The following GK variants were observed in gnomAD, a reference collection of about 807,000 sequenced individuals.
GK encodes glycerol kinase, also known as ATP:glycerol 3-phosphotransferase.
GK carries 9 observed loss-of-function variants against 56.4 expected under a neutral mutation model. The ratio of observed to expected loss-of-function variants is 0.16; its 90% confidence interval spans 0.10 to 0.28. The LOEUF (loss-of-function observed/expected upper bound fraction) is 0.28, where lower values mean the gene tolerates loss of function less well. GK is among the 10% of genes least tolerant of loss of function. The probability of loss-of-function intolerance (pLI) is 1.00; values close to 1 mark genes in which losing one functional copy is unlikely to be tolerated. For missense variants in GK, 161 were observed against 431.4 expected, an observed-to-expected ratio of 0.37 and a Z score of 5.55; for synonymous variants, 104 against 144.1, an observed-to-expected ratio of 0.72 and a Z score of 1.99.
intron 3 of GK, 70 bp downstream of exon 3, chrX:30,668,188 G>T: frequency 1.6e-6 from 1 of 626,061 alleles, no homozygotes; most frequent in Non-Finnish European, 2.7e-6. Context: ...TATTCTTTCA[G>T]CTTATAATTG....
In GK at chrX:30,680,482, CTTAAAA is replaced by C. The variant is rs1934223512; in HGVS notation, c.337+3031_337+3036del. ...TGAAAGCCATGCAGTGTAGTGTAGA[CTTAAAA>C]CACGGGGCAGCTTGAGGCAAAACAG... On this transcript the variant is annotated intron_variant, in intron 4 of 20. Transcript: ENST00000427190. 3.6e-5 allele frequency among the ~76,000 whole-genome samples: 4 copies of C among 111,829 alleles called. No individual in the cohort carries two copies. The South Asian group carries it at 1.5e-3, about 42-fold the overall frequency.
At chrX:30,726,566 C>T (rs891469232) in intron 19 of GK, among the ~76,000 whole-genome samples, 11 of 111,564 alleles carry the variant, frequency 9.9e-5, no homozygotes, top group African/African-American at 3.6e-4. Context: ...GGATTACAGG[C>T]GTGAGCCACT....
intron 4 of GK, among the ~76,000 whole-genome samples, chrX:30,685,934 T>TAACA (rs1934585936): frequency 8.9e-6 from 1 of 112,274 alleles, no homozygotes; most frequent in African/African-American, 3.2e-5. Flanking sequence ...ACTATAAGGC[T>TAACA]TCAGTAATTG....
intron 4 of GK, among the ~76,000 whole-genome samples, chrX:30,680,297 C>A (rs974252103): frequency 2.7e-5 from 3 of 112,002 alleles, no homozygotes; most frequent in Non-Finnish European, 5.6e-5. Flanking sequence ...GATTTTACTA[C>A]CCCTATTTTA....
In GK at chrX:30,727,396, A is replaced by G. The variant is rs1937179703; in HGVS notation, c.1583-70A>G. The G allele has an allele frequency of 4.8e-6, 3 of 631,494 alleles. No homozygotes were observed. In the East Asian group the frequency reaches 9.8e-5, roughly 21 times the overall value. The allele number at this position is 631,494 out of a possible 1,213,427, so 52.0% of individuals were successfully genotyped here. On this transcript the variant is annotated intron_variant, in intron 19 of 20. Transcript: ENST00000427190. ...TTTGCTATCTTGTGATTCTTAACAC[A>G]AATATTGTAATTATGTGTCTCTCTT... is the stretch of plus-strand genomic sequence containing the variant.
At chrX:30,699,232 G>A (rs1184815125) in intron 9 of GK, among the ~76,000 whole-genome samples, 1 of 96,199 alleles carries the variant, frequency 1.0e-5, no homozygotes, top group Non-Finnish European at 2.0e-5. Flanking sequence ...ATATATACAT[G>A]TTATGTATAA....
intron 7 of GK, 101 bp from the exon 8 acceptor site, chrX:30,696,516 A>C: frequency 1.6e-6 from 1 of 622,497 alleles, no homozygotes; most frequent in Non-Finnish European, 2.7e-6. Context: ...AAAAACATCC[A>C]TTTCTAATTG....
chrX:30,700,019 C>A (rs1935560033), intron 9 of GK: 1 of 129,404 alleles, frequency 7.7e-6, no homozygotes, highest in African/African-American at 3.2e-5. Context: ...ATATATTAGT[C>A]ATTTCTTAAT....
In GK at chrX:30,729,083, G is replaced by A. The variant is rs187871122; in HGVS notation, c.*341G>A. The A allele has an allele frequency of 1.0e-3, 260 of 258,671 alleles. No individual in the cohort carries two copies. The highest frequency in any genetic ancestry group is 1.5e-3 in the Non-Finnish European group (219 of 145,211). 21.3% of individuals were successfully genotyped at this position (258,671 alleles called of 1,213,427 possible). On this transcript the variant is annotated 3_prime_UTR_variant, in exon 21 of 21. Transcript: ENST00000427190. ...ATCCTTACCATTGGAATCTTCCATC[G>A]AACATACTCAAACACTTTTGGACCA...
chrX:30,707,233 G>A (rs1393283896), intron 11 of GK, among the ~76,000 whole-genome samples: 1 of 109,334 alleles, frequency 9.1e-6, no homozygotes, highest in African/African-American at 3.3e-5. Flanking sequence ...GGGAGGCTGA[G>A]GCAGGAGAAT....
Position 30,661,016 on chromosome X carries a change from G to T in GK, c.79-4495G>T, listed in dbSNP as rs764655282. Among the ~76,000 whole-genome samples the T allele has an allele frequency of 8.2e-5, 9 of 109,437 alleles. No homozygotes were observed. The South Asian group carries it at 3.5e-3, about 43-fold the overall frequency. Reference sequence around the variant, plus strand: ...TTTAGTAGGGACGGGGTTTCACTAGGTTGGTCAGGATGGTCTTGATCTCTT... The same window carrying T: ...TTTAGTAGGGACGGGGTTTCACTAGTTTGGTCAGGATGGTCTTGATCTCTT... On this transcript the variant is annotated intron_variant, in intron 1 of 20. Coordinates refer to ENST00000427190, the MANE Select transcript of GK (RefSeq NM_001205019.2).
At chrX:30,701,761 T>G (rs1010142466) in intron 11 of GK, among the ~76,000 whole-genome samples, 6 of 112,383 alleles carry the variant, frequency 5.3e-5, no homozygotes, top group African/African-American at 1.9e-4. Flanking sequence ...AGATTTGGTA[T>G]ATTTTTCTCT....
chrX:30,703,986 T>G (rs1935835588), intron 11 of GK, among the ~76,000 whole-genome samples: 1 of 106,351 alleles, frequency 9.4e-6, no homozygotes, highest in African/African-American at 3.5e-5. Flanking sequence ...ATTTTAGAAT[T>G]TCCCTAGATA....
rs768970442 is a variant in GK, at chrX:30,715,745, T to C, written c.976-2793T>C. On this transcript the variant is annotated intron_variant, in intron 13 of 20. Coordinates refer to ENST00000427190, the MANE Select transcript of GK (RefSeq NM_001205019.2). Reference sequence around the variant, plus strand: ...GTCTTTTGTGAATTAGAGATGTCTCTCATTTTTATTTCTTTAAAAGCTAAA... The same window carrying C: ...GTCTTTTGTGAATTAGAGATGTCTCCCATTTTTATTTCTTTAAAAGCTAAA... 5.3e-5 allele frequency among the ~76,000 whole-genome samples: 6 copies of C among 112,563 alleles called. No homozygotes were observed. The East Asian group carries it at 1.7e-3, about 31-fold the overall frequency.
rs139215573 is a variant in GK at position 30,688,956 on chromosome X, T to C, written c.338-2167T>C. Among the ~76,000 whole-genome samples the C allele has an allele frequency of 7.2e-3, 810 of 112,326 alleles. 7 individuals carry two copies. The highest frequency in any genetic ancestry group is 0.025 in the African/African-American group (776 of 30,971). On this transcript the variant is annotated intron_variant, in intron 4 of 20. Coordinates refer to ENST00000427190, the MANE Select transcript of GK (RefSeq NM_001205019.2). ...ATTTGTTCATGCCCCTTGGTAAGAATTACATTTTACATAATGATCCAGCAA... is the reference window on the plus strand; with the variant it reads ...ATTTGTTCATGCCCCTTGGTAAGAACTACATTTTACATAATGATCCAGCAA...
intron 11 of GK, among the ~76,000 whole-genome samples, chrX:30,706,350 T>C (rs564625597): frequency 8.9e-6 from 1 of 112,324 alleles, no homozygotes; most frequent in South Asian, 3.7e-4. Flanking sequence ...TAGTGCTGAC[T>C]GGTGGTAGCT....
chrX:30,691,963 C>A (rs1490713837), intron 5 of GK, among the ~76,000 whole-genome samples: 1 of 111,058 alleles, frequency 9.0e-6, no homozygotes, highest in Non-Finnish European at 1.9e-5. Context: ...TTGTATAGAT[C>A]CCTCTTCACA....
At chrX:30,717,363 C>T (rs993901644) in intron 13 of GK, among the ~76,000 whole-genome samples, 2 of 110,051 alleles carry the variant, frequency 1.8e-5, no homozygotes, top group African/African-American at 6.6e-5. Flanking sequence ...ACACAATTTA[C>T]CCTTTTCAAA....
In GK at chrX:30,694,478, C is replaced by G; in HGVS notation, c.493C>G (p.Gln165Glu). 2.5e-6 allele frequency: 3 copies of G among 1,205,345 alleles called. No homozygotes were observed. The highest frequency in any genetic ancestry group is 3.4e-6 in the Non-Finnish European group (3 of 889,720). Residue 165 changes from glutamine (Q) to glutamate (E), a missense_variant, in exon 6 of 21, where the codon CAA (glutamine) becomes GAA (glutamate). By Grantham distance (29) the Gln-to-Glu change is conservative. Coordinates refer to ENST00000427190, the MANE Select transcript of GK (RefSeq NM_001205019.2). Reference protein sequence around the residue: ...RWLLDNVRKVQKAVEEKRALF... With the variant: ...RWLLDNVRKVEKAVEEKRALF... ...GCTCCTTGACAATGTGAGAAAAGTT[C>G]AAAAGGCCGTTGAAGAAAAACGAGC...
Sources: gnomAD v4.1 joint callset for allele counts (sites outside exome capture counted in the v4.1 genomes callset) on GRCh38, gnomAD v4.1.1 for gene constraint, MANE v1.5 for transcripts, NCBI Gene and HGNC (gene_info 2026-07-23, HGNC 2026-07-21) for gene names.